The following PSAT1 variants were observed in gnomAD, a reference collection of about 807,000 sequenced individuals.
The protein encoded by PSAT1 is phosphoserine aminotransferase.
In PSAT1, 41 loss-of-function variants were observed where a neutral mutation model predicts 40.3. The observed-to-expected ratio is 1.02, with a 90% CI of 0.79 to 1.32. The LOEUF is 1.32. Ranked by LOEUF, PSAT1 falls within the 40% of genes most tolerant of loss-of-function variation. PSAT1 has a pLI of 0.00. For synonymous variants in PSAT1, 147 were observed against 170.5 expected (o/e 0.86, Z 1.07); for missense variants, 406 against 455.8 (o/e 0.89, Z 0.99).
intron 7 of PSAT1, among the ~76,000 whole-genome samples, chr9:78,323,492 A>G (rs1015394749): frequency 2.0e-5 from 3 of 152,062 alleles, no homozygotes; most frequent in African/African-American, 7.3e-5. Flanking sequence ...AGGCGGGAGG[A>G]TCGCTTGATC....
chr9:78,316,591 G>C (rs1400455015), intron 6 of PSAT1, among the ~76,000 whole-genome samples: 3 of 152,186 alleles, frequency 2.0e-5, no homozygotes, highest in Admixed American at 6.5e-5. Context: ...CTGAGACCAG[G>C]GAGCCAAGGG....
At chr9:78,299,026 G>T (rs2118617073) in intron 1 of PSAT1, among the ~76,000 whole-genome samples, 1 of 151,568 alleles carries the variant, frequency 6.6e-6, no homozygotes, top group South Asian at 2.1e-4. Context: ...TGTAATCCAA[G>T]CAACTCAGGA....
intron 1 of PSAT1, 109 bp downstream of exon 1, chr9:78,297,379 T>G (rs1587630056): frequency 1.6e-6 from 2 of 1,274,880 alleles, no homozygotes; most frequent in Non-Finnish European, 2.2e-6. Context: ...CTGCCTTGAG[T>G]CCCCTAGGCG....
At chr9:78,327,146 C>T (rs752225273) in intron 7 of PSAT1, among the ~76,000 whole-genome samples, 2 of 148,914 alleles carry the variant, frequency 1.3e-5, no homozygotes, top group Admixed American at 1.3e-4. Flanking sequence ...TTTTTTCAGT[C>T]GAGATGGGGT....
chr9:78,326,955 A>ATATATATATTTTTTTTTTTTTT, intron 7 of PSAT1, among the ~76,000 whole-genome samples: 4 of 75,964 alleles, frequency 5.3e-5, no homozygotes, highest in African/African-American at 3.8e-4. Context: ...ATATATATAT[A>ATATATATATTTTTTTTTTTTTT]TTTTTTTTTT....
rs1189319180 is a variant in PSAT1 at position 78,329,856 on chromosome 9, C to T, written c.*770C>T. 6.6e-6 allele frequency: 1 copy of T among 152,138 alleles called. No individual in the cohort carries two copies. The highest frequency in any genetic ancestry group is 1.5e-5 in the Non-Finnish European group (1 of 68,014). The allele number at this position is 152,138 out of a possible 1,614,324, so 9.4% of individuals were successfully genotyped here. A position where few individuals can be genotyped will look rare whatever the true frequency, so the allele number is the denominator to read the frequency against. On this transcript the variant is annotated 3_prime_UTR_variant, in exon 9 of 9. Coordinates refer to ENST00000376588, the MANE Select transcript of PSAT1 (RefSeq NM_058179.4). ...GAAAAAGACCTAGAAGTTCTTGATT[C>T]ATTTTTACCATTCTTTCCATAGGTA...
At chr9:78,312,493 C>T (rs10735531) in intron 6 of PSAT1, among the ~76,000 whole-genome samples, 20,754 of 151,778 alleles carry the variant, frequency 0.14, 1,881 homozygotes, top group East Asian at 0.44. Flanking sequence ...GTCGGGAGTT[C>T]GAGACCACCC....
chr9:78,326,794 C>G (rs7037526), intron 7 of PSAT1, among the ~76,000 whole-genome samples: 61,081 of 150,512 alleles, frequency 0.41, 14,311 homozygotes, highest in African/African-American at 0.63. Context: ...TGGGATGCCT[C>G]ATTCTACTGA....
In PSAT1 at chr9:78,302,038, G is replaced by A; in HGVS notation, c.191+15G>A. ...CGGGAATTGCTGTAAGTTTTAAAAA[G>A]ACCAAATCATGTTACTTTTGTTAGA... On this transcript the variant is annotated intron_variant, in intron 3 of 8. Transcript: ENST00000376588. 2 of 1,575,926 alleles carry A rather than the reference G, an allele frequency of 1.3e-6. No individual in the cohort carries two copies. Among genetic ancestry groups the A allele is most frequent in the Middle Eastern group, 1.7e-4 (1 of 5,966 alleles).
chr9:78,304,185 T>A (rs1235325916), intron 3 of PSAT1, among the ~76,000 whole-genome samples: 1 of 152,190 alleles, frequency 6.6e-6, no homozygotes, highest in African/African-American at 2.4e-5. Flanking sequence ...CAGGAGAATT[T>A]AGGTGCTTCT....
At chr9:78,298,154 G>A (rs4877546) in intron 1 of PSAT1, among the ~76,000 whole-genome samples, 2 of 149,074 alleles carry the variant, frequency 1.3e-5, no homozygotes, top group African/African-American at 4.9e-5. Context: ...GCCCCAGCCC[G>A]GCTCCTCCCC....
At chr9:78,302,374 G>A (rs1252619508) in intron 3 of PSAT1, among the ~76,000 whole-genome samples, 1 of 152,092 alleles carries the variant, frequency 6.6e-6, no homozygotes, top group Non-Finnish European at 1.5e-5. Context: ...TAGTTCAGGT[G>A]TTCTCGAAGT....
chr9:78,302,021 G>A lies in PSAT1; in HGVS notation c.189G>A (p.Leu63=). The change falls in exon 3 of 9, where the codon TTG becomes TTA. Residue 63 remains leucine, a splice_region_variant and synonymous_variant. Coordinates refer to ENST00000376588, the MANE Select transcript of PSAT1 (RefSeq NM_058179.4). ...ATACAGAGAATCTTGTGCGGGAATT[G>A]CTGTAAGTTTTAAAAAGACCAAATC... ...INNTENLVRE[L]LAVPDNYKVI... 9 of 1,607,292 alleles carry A rather than the reference G, an allele frequency of 5.6e-6. No homozygotes were observed. Among genetic ancestry groups the A allele is most frequent in the South Asian group, 1.1e-5 (1 of 90,928 alleles).
intron 6 of PSAT1, 121 bp downstream of exon 6, chr9:78,308,704 T>A: frequency 8.4e-7 from 1 of 1,193,400 alleles, no homozygotes; most frequent in South Asian, 1.5e-5. Flanking sequence ...ACCTGTAATC[T>A]TAGCAATTTG....
intron 6 of PSAT1, among the ~76,000 whole-genome samples, chr9:78,309,313 G>A (rs1228565323): frequency 2.6e-5 from 4 of 152,200 alleles, no homozygotes; most frequent in East Asian, 1.9e-4. Flanking sequence ...TCGGGCCTGC[G>A]GGAAGCTGGC....
Position 78,326,955 on chromosome 9 carries a change from A to ATATTTTTTTTTTTTTTT in PSAT1, c.870-1095_870-1094insATTTTTTTTTTTTTTTT. On this transcript the variant is annotated intron_variant, in intron 7 of 8. Coordinates refer to ENST00000376588, the MANE Select transcript of PSAT1 (RefSeq NM_058179.4). ...CAGCAATATATATATATATATATATATTTTTTTTTTTTTTTTTTGAGACAG... is the reference window on the plus strand; with the variant it reads ...CAGCAATATATATATATATATATATATATTTTTTTTTTTTTTTTTTTTTTTTTTTTTTTTTGAGACAG... Among the ~76,000 whole-genome samples, 15 of 75,932 alleles carry ATATTTTTTTTTTTTTTT rather than the reference A, an allele frequency of 2.0e-4. No homozygotes were observed. In the East Asian group the frequency reaches 2.5e-3, roughly 13 times the overall value. 49.8% of individuals were successfully genotyped at this position (75,932 alleles called of 152,430 possible). A position where few individuals can be genotyped will look rare whatever the true frequency, so the allele number is the denominator to read the frequency against.
chr9:78,304,237 T>G (rs1218311175), intron 3 of PSAT1, among the ~76,000 whole-genome samples: 1 of 152,246 alleles, frequency 6.6e-6, no homozygotes. Context: ...CTTCTGGCTC[T>G]GCTTTCTTAT....
chr9:78,317,240 T>A (rs1828357947), intron 6 of PSAT1, among the ~76,000 whole-genome samples: 1 of 149,130 alleles, frequency 6.7e-6, no homozygotes, highest in Admixed American at 6.7e-5. Context: ...CCTGCTTTTG[T>A]CTTGTGTATT....
At chr9:78,311,129 G>A (rs572946316) in intron 6 of PSAT1, among the ~76,000 whole-genome samples, 1 of 152,186 alleles carries the variant, frequency 6.6e-6, no homozygotes, top group East Asian at 1.9e-4. Flanking sequence ...CCTCCCACTC[G>A]CCTGTCTTAC....
Sources: allele counts gnomAD v4.1 joint callset (sites outside exome capture counted in the v4.1 genomes callset), GRCh38; gene constraint gnomAD v4.1.1; transcripts MANE v1.5; gene names NCBI Gene and HGNC (gene_info 2026-07-23, HGNC 2026-07-21).